EXOC6B: variants seen among roughly 807,000 people sequenced by gnomAD.
EXOC6B encodes the protein exocyst complex component 6B, also known as SEC15 homolog B.
Under a neutral mutation model 113.5 loss-of-function variants are expected in EXOC6B, and 54 were observed. The observed-to-expected ratio is 0.48, with a 90% confidence interval of 0.38 to 0.60. The LOEUF (loss-of-function observed/expected upper bound fraction) is 0.60. Among genes scored for constraint, EXOC6B ranks in the 20% least tolerant of loss-of-function variants. The pLI is 0.00. For missense variants in EXOC6B, 797 were observed against 977.5 expected (o/e 0.82, Z 2.46); for synonymous variants, 357 against 339.0 (o/e 1.05, Z -0.58).
At chr2:72,646,895 C>CAGGG (rs1396660315) in intron 6 of EXOC6B, among the ~76,000 whole-genome samples, 1 of 152,118 alleles carries the variant, frequency 6.6e-6, no homozygotes, top group Non-Finnish European at 1.5e-5. Flanking sequence ...TGCCACAAGA[C>CAGGG]AGGGATGCCT....
Position 72,480,720 on chromosome 2 carries a change from A to T in EXOC6B, c.1696T>A (p.Leu566Met). The T allele has an allele frequency of 6.3e-7, 1 of 1,599,550 alleles. No individual in the cohort carries two copies. The highest frequency in any genetic ancestry group is 8.5e-7 in the Non-Finnish European group (1 of 1,172,166). Residue 566 changes from leucine (L) to methionine (M), a missense_variant, in exon 17 of 22, where the codon TTG (leucine) becomes ATG (methionine). Leu to Met is a conservative substitution (Grantham distance 15). Coordinates refer to ENST00000272427, the MANE Select transcript of EXOC6B (RefSeq NM_015189.3). ...TCCAAGTACTTACAGGATTTCTCCA[A>T]ATGTGTTGTATTGATAATAATCTGA... The part of the protein sequence containing the change: ...LVQIIINTTH[L>M]EKSCKYLEEF...
At chr2:72,220,485 G>A (rs1200588883) in intron 20 of EXOC6B, among the ~76,000 whole-genome samples, 1 of 152,134 alleles carries the variant, frequency 6.6e-6, no homozygotes, top group Non-Finnish European at 1.5e-5. Context: ...TGACCTCCAA[G>A]AAAACATCCC....
At chr2:72,651,285 T>C (rs113870250) in intron 6 of EXOC6B, among the ~76,000 whole-genome samples, 2 of 152,232 alleles carry the variant, frequency 1.3e-5, no homozygotes, top group African/African-American at 2.4e-5. Flanking sequence ...ACACAAAGCC[T>C]GTAGTTCTAA....
chr2:72,732,841 A>G (rs1680726539), intron 3 of EXOC6B, among the ~76,000 whole-genome samples: 2 of 152,190 alleles, frequency 1.3e-5, no homozygotes, highest in Admixed American at 6.5e-5. Context: ...TTACTGTATT[A>G]TGACAAGTCG....
chr2:72,384,622 T>C (rs1301691852), intron 18 of EXOC6B, among the ~76,000 whole-genome samples: 4 of 151,954 alleles, frequency 2.6e-5, no homozygotes, highest in African/African-American at 9.7e-5. Context: ...TAGACAGAAC[T>C]CTAAAAATTC....
At chr2:72,639,179 T>A (rs1418052204) in intron 6 of EXOC6B, among the ~76,000 whole-genome samples, 1 of 152,040 alleles carries the variant, frequency 6.6e-6, no homozygotes, top group Admixed American at 6.6e-5. Flanking sequence ...CACACCTGAG[T>A]ACAGTGTTCC....
intron 17 of EXOC6B, among the ~76,000 whole-genome samples, chr2:72,476,762 A>G (rs181385302): frequency 6.6e-6 from 1 of 152,256 alleles, no homozygotes; most frequent in African/African-American, 2.4e-5. Context: ...AGTCCAAATT[A>G]TCTACTAATA....
At chr2:72,356,053 T>G (rs1314569677) in intron 19 of EXOC6B, among the ~76,000 whole-genome samples, 1 of 152,218 alleles carries the variant, frequency 6.6e-6, no homozygotes, top group East Asian at 1.9e-4. Context: ...GAAAAGGAAG[T>G]ACATTTAAAA....
At chr2:72,298,853 G>A (rs184479240) in intron 20 of EXOC6B, among the ~76,000 whole-genome samples, 23 of 152,218 alleles carry the variant, frequency 1.5e-4, no homozygotes, top group African/African-American at 4.6e-4. Flanking sequence ...AGAGAGATCC[G>A]CTGTTAGTCT....
intron 1 of EXOC6B, among the ~76,000 whole-genome samples, chr2:72,823,870 T>C (rs1480032365): frequency 1.3e-5 from 2 of 152,146 alleles, no homozygotes; most frequent in African/African-American, 4.8e-5. Context: ...CAGTATAACA[T>C]ATATTTACAT....
chr2:72,636,377 G>GGAAGC (rs1672830845), intron 6 of EXOC6B, among the ~76,000 whole-genome samples: 5 of 146,260 alleles, frequency 3.4e-5, no homozygotes, highest in African/African-American at 1.3e-4. Flanking sequence ...AGGAAGCAAG[G>GGAAGC]AAGCAAGGAA....
intron 17 of EXOC6B, among the ~76,000 whole-genome samples, chr2:72,474,583 C>A (rs1438914849): frequency 6.6e-6 from 1 of 151,742 alleles, no homozygotes; most frequent in African/African-American, 2.4e-5. Context: ...TTAATAAATT[C>A]TTCAGTTCCA....
chr2:72,695,645 C>G (rs763908243), intron 6 of EXOC6B, among the ~76,000 whole-genome samples: 1 of 151,956 alleles, frequency 6.6e-6, no homozygotes, highest in Non-Finnish European at 1.5e-5. Flanking sequence ...GATACAAACC[C>G]CCAAACACAA....
At chr2:72,400,819 G>C (rs554513912) in intron 18 of EXOC6B, among the ~76,000 whole-genome samples, 79 of 152,040 alleles carry the variant, frequency 5.2e-4, no homozygotes, top group African/African-American at 1.8e-3. Context: ...GTGGAGAAAA[G>C]GGAATGCTTA....
chr2:72,718,629 A>T (rs972424911), intron 5 of EXOC6B, among the ~76,000 whole-genome samples: 1 of 152,164 alleles, frequency 6.6e-6, no homozygotes, highest in Non-Finnish European at 1.5e-5. Context: ...AGGCCAAGAC[A>T]GGTGGATCAC....
At chr2:72,455,144 A>T (rs1697143561) in intron 18 of EXOC6B, among the ~76,000 whole-genome samples, 1 of 152,174 alleles carries the variant, frequency 6.6e-6, no homozygotes, top group Non-Finnish European at 1.5e-5. Context: ...AAAGGATCTG[A>T]TGCCTCTAGC....
At chr2:72,403,981 G>A (rs1355454230) in intron 18 of EXOC6B, among the ~76,000 whole-genome samples, 5 of 152,120 alleles carry the variant, frequency 3.3e-5, no homozygotes, top group East Asian at 1.9e-4. Flanking sequence ...GGTGACAGAC[G>A]GCACCTGGAA....
intron 8 of EXOC6B, among the ~76,000 whole-genome samples, chr2:72,518,512 G>C (rs1701327553): frequency 6.6e-6 from 1 of 151,944 alleles, no homozygotes; most frequent in African/African-American, 2.4e-5. Flanking sequence ...GTGTGTGTGT[G>C]TGTGTGTGGT....
In EXOC6B at chr2:72,675,261, GA is replaced by G. The variant is rs1676207799; in HGVS notation, c.669+42841del. On this transcript the variant is annotated intron_variant, in intron 6 of 21. Coordinates refer to ENST00000272427, the MANE Select transcript of EXOC6B (RefSeq NM_015189.3). ...AAACTGCCACAGTTGATTAAAAAATGAAAAGCTGAACGAGATCTCTCCTGGT... is the reference window on the plus strand; with the variant it reads ...AAACTGCCACAGTTGATTAAAAAATGAAAGCTGAACGAGATCTCTCCTGGT... Among the ~76,000 whole-genome samples the G allele has an allele frequency of 2.0e-5, 3 of 152,176 alleles. No homozygotes were observed. The South Asian group carries it at 6.2e-4, about 31-fold the overall frequency.
Sources: allele counts gnomAD v4.1 joint callset (sites outside exome capture counted in the v4.1 genomes callset), GRCh38; gene constraint gnomAD v4.1.1; transcripts MANE v1.5; gene names NCBI Gene and HGNC (gene_info 2026-07-23, HGNC 2026-07-21).